The following KSR2 variants were observed in gnomAD, a reference collection of about 807,000 sequenced individuals.
The protein encoded by KSR2 is kinase suppressor of ras 2.
In KSR2, 25 loss-of-function variants were observed where a neutral mutation model predicts 107.8. That is an observed-to-expected ratio of 0.23 (90% confidence interval 0.17 to 0.32). The LOEUF is 0.32. Ranked by LOEUF, KSR2 falls within the 10% of genes least tolerant of loss-of-function variation. The pLI is 1.00. For missense variants in KSR2, 887 were observed against 1,268.9 expected (o/e 0.70, Z 4.57); for synonymous variants, 480 against 507.0 (o/e 0.95, Z 0.71).
intron 1 of KSR2, among the ~76,000 whole-genome samples, chr12:117,899,883 A>G (rs1894630674): frequency 1.3e-5 from 2 of 152,250 alleles, no homozygotes; most frequent in Non-Finnish European, 2.9e-5. Flanking sequence ...CAACTTGAGA[A>G]GACTTCTAGG....
intron 1 of KSR2, among the ~76,000 whole-genome samples, chr12:117,943,349 G>T (rs954718757): frequency 1.1e-4 from 16 of 151,870 alleles, no homozygotes; most frequent in African/African-American, 3.9e-4. Context: ...AAGAGCTCCT[G>T]GGAATTGTCA....
chr12:117,897,790 A>G lies in KSR2; in HGVS notation c.181-37359T>C, dbSNP rs1468676652. Among the ~76,000 whole-genome samples the G allele has an allele frequency of 6.6e-6, 1 of 152,048 alleles. No individual in the cohort carries two copies. The highest frequency in any genetic ancestry group is 1.9e-4 in the East Asian group (1 of 5,192). On this transcript the variant is annotated intron_variant, in intron 1 of 19. Coordinates refer to ENST00000339824, the MANE Select transcript of KSR2 (RefSeq NM_173598.6). The surrounding 1 kb of genome is among the most constrained non-coding windows in gnomAD (Gnocchi z 4.5). ...ACCAAGCAGATGCCATACAAATATA[A>G]TGGGCTTAATTCCCCAAATTGTTGG...
intron 10 of KSR2, among the ~76,000 whole-genome samples, chr12:117,535,774 G>T (rs1185708565): frequency 4.6e-5 from 7 of 152,122 alleles, no homozygotes; most frequent in Non-Finnish European, 8.8e-5. Flanking sequence ...CATCTGTCTT[G>T]CCATGATGGA....
rs1870725558 is a variant in KSR2 at position 117,458,397 on chromosome 12, C to T, written c.*8802G>A. 1 of 125,440 alleles carries T rather than the reference C, an allele frequency of 8.0e-6. No homozygotes were observed. Among genetic ancestry groups the T allele is most frequent in the Non-Finnish European group, 1.7e-5 (1 of 58,422 alleles). The allele number at this position is 125,440 out of a possible 1,614,324, so 7.8% of individuals were successfully genotyped here. ...GTATTTTTAAACTAGAAGAACTAGC[C>T]AAGCTGGTTTTTTTTTTTTAAGTGG... On this transcript the variant is annotated 3_prime_UTR_variant, in exon 20 of 20. Coordinates refer to ENST00000339824, the MANE Select transcript of KSR2 (RefSeq NM_173598.6).
At chr12:117,633,618 G>A (rs1464119854) in intron 5 of KSR2, among the ~76,000 whole-genome samples, 2 of 152,164 alleles carry the variant, frequency 1.3e-5, no homozygotes. Flanking sequence ...TCCTTGGCTT[G>A]TGGCTGTATA....
chr12:117,880,594 A>G (rs1893993863), intron 1 of KSR2, among the ~76,000 whole-genome samples: 1 of 152,188 alleles, frequency 6.6e-6, no homozygotes, highest in African/African-American at 2.4e-5. Context: ...AACAAGGCAG[A>G]GAATGCTGGC....
intron 14 of KSR2, among the ~76,000 whole-genome samples, chr12:117,499,444 A>G (rs543201957): frequency 1.8e-4 from 27 of 152,364 alleles, no homozygotes; most frequent in African/African-American, 6.3e-4. Flanking sequence ...ACTTCTGACT[A>G]GAGTAAAACC....
intron 4 of KSR2, among the ~76,000 whole-genome samples, chr12:117,727,844 T>C (rs1329463717): frequency 6.6e-6 from 1 of 152,202 alleles, no homozygotes; most frequent in African/African-American, 2.4e-5. Context: ...AATGATGGTA[T>C]ATTCACACAA....
At chr12:117,714,776 G>T (rs999577181) in intron 4 of KSR2, among the ~76,000 whole-genome samples, 1 of 152,152 alleles carries the variant, frequency 6.6e-6, no homozygotes, top group Non-Finnish European at 1.5e-5. Flanking sequence ...CAACTTGGGG[G>T]CAGGAGTGCA....
chr12:117,515,607 C>A (rs1173647567), intron 14 of KSR2, among the ~76,000 whole-genome samples: 2 of 152,120 alleles, frequency 1.3e-5, no homozygotes, highest in Non-Finnish European at 2.9e-5. Context: ...TAATAATTAT[C>A]TTATGATGAG....
At chr12:117,968,028 G>C (rs1896847535) in intron 1 of KSR2, 48 bp downstream of exon 1, 2 of 1,059,874 alleles carry the variant, frequency 1.9e-6, no homozygotes, top group Non-Finnish European at 2.7e-6. Context: ...AAGAAGGATT[G>C]CTTTTTTTTT....
chr12:117,740,592 A>ATGCATATAT (rs1888169579), intron 4 of KSR2, among the ~76,000 whole-genome samples: 5 of 64,746 alleles, frequency 7.7e-5, no homozygotes, highest in South Asian at 8.3e-4. Flanking sequence ...TATGTACTAT[A>ATGCATATAT]TACATATATA....
intron 5 of KSR2, among the ~76,000 whole-genome samples, chr12:117,626,213 G>T (rs551105264): frequency 1.3e-5 from 2 of 151,718 alleles, no homozygotes; most frequent in Non-Finnish European, 2.9e-5. Flanking sequence ...TTTCAGTTCT[G>T]CTCTGATCTT....
At chr12:117,690,644 C>T (rs919933832) in intron 4 of KSR2, among the ~76,000 whole-genome samples, 1 of 152,166 alleles carries the variant, frequency 6.6e-6, no homozygotes, top group African/African-American at 2.4e-5. Context: ...AACAACTCAA[C>T]TACTATTCTA....
intron 1 of KSR2, among the ~76,000 whole-genome samples, chr12:117,871,830 A>AT (rs34011597): frequency 0.43 from 64,933 of 151,620 alleles, 14,511 homozygotes; most frequent in Middle Eastern, 0.5. Context: ...TAAGATATGG[A>AT]TTTTTTTTAA....
At chr12:117,718,955 C>T (rs1887105085) in intron 4 of KSR2, among the ~76,000 whole-genome samples, 1 of 152,188 alleles carries the variant, frequency 6.6e-6, no homozygotes, top group African/African-American at 2.4e-5. Context: ...GTCTCCTAAA[C>T]AGCCGCTCAT....
chr12:117,705,146 T>A (rs1886473834), intron 4 of KSR2, among the ~76,000 whole-genome samples: 1 of 152,042 alleles, frequency 6.6e-6, no homozygotes, highest in African/African-American at 2.4e-5. Context: ...ATGTGAATGC[T>A]ACAGAAGGGC....
chr12:117,804,161 G>A (rs149958633), intron 3 of KSR2, among the ~76,000 whole-genome samples: 2,703 of 152,062 alleles, frequency 0.018, 39 homozygotes, highest in Middle Eastern at 0.058. Flanking sequence ...CTCCTGCCTC[G>A]GCCTCCGGAG....
At chr12:117,708,339 G>T (rs1401699619) in intron 4 of KSR2, among the ~76,000 whole-genome samples, 1 of 152,058 alleles carries the variant, frequency 6.6e-6, no homozygotes, top group Admixed American at 6.6e-5. Flanking sequence ...TATCTCATGG[G>T]AACCTTCTGA....
Sources: allele counts gnomAD v4.1 joint callset (sites outside exome capture counted in the v4.1 genomes callset), GRCh38; gene constraint gnomAD v4.1.1; non-coding constraint Gnocchi (gnomAD v3.1); transcripts MANE v1.5; gene names NCBI Gene and HGNC (gene_info 2026-07-23, HGNC 2026-07-21).